The following DIP2C variants were observed in gnomAD, a reference collection of about 807,000 sequenced individuals.
DIP2C encodes disco-interacting protein 2 homolog C.
In DIP2C, 33 loss-of-function variants were observed where a neutral mutation model predicts 192.4. The observed-to-expected ratio is 0.17, with a 90% CI of 0.13 to 0.23. The LOEUF is 0.23. Ranked by LOEUF, DIP2C falls within the 10% of genes least tolerant of loss-of-function variation. DIP2C has a pLI of 1.00. For missense variants in DIP2C, 1,537 were observed against 2,110.1 expected (o/e 0.73, Z 5.32); for synonymous variants, 979 against 864.1 (o/e 1.13, Z -2.33).
At chr10:523,494 ACT>A (rs577452548) in intron 1 of DIP2C, among the ~76,000 whole-genome samples, 9 of 133,724 alleles carry the variant, frequency 6.7e-5, no homozygotes, top group African/African-American at 2.3e-4. Flanking sequence ...GGATGCAGGG[ACT>A]CTGTGTCACC....
intron 16 of DIP2C, among the ~76,000 whole-genome samples, 181 bp from the exon 17 acceptor site, chr10:382,942 C>A (rs924324497): frequency 1.3e-5 from 2 of 152,198 alleles, no homozygotes; most frequent in Non-Finnish European, 2.9e-5. Context: ...TCAAACAGAA[C>A]TCAAGAATTT....
rs183381096 is a variant in DIP2C at position 374,301 on chromosome 10, A to C, written c.1992-4668T>G. Among the ~76,000 whole-genome samples the C allele has an allele frequency of 1.4e-4, 21 of 152,366 alleles. No homozygotes were observed. The East Asian group carries it at 2.5e-3, about 18-fold the overall frequency. ...AGCACATATACTTAAATTTTTAAGA[A>C]GACCTAAATATCCTCCCAAAATAAC... On this transcript the variant is annotated intron_variant, in intron 17 of 36. Coordinates refer to ENST00000280886, the MANE Select transcript of DIP2C (RefSeq NM_014974.3).
intron 1 of DIP2C, among the ~76,000 whole-genome samples, chr10:593,823 TCTCA>T (rs1347676325): frequency 1.3e-5 from 2 of 152,132 alleles, no homozygotes; most frequent in Admixed American, 6.5e-5. Context: ...GGAGAGCTTG[TCTCA>T]CTCACCTTCA....
chr10:301,116 T>C (rs186169629), intron 32 of DIP2C, among the ~76,000 whole-genome samples: 8 of 152,240 alleles, frequency 5.3e-5, no homozygotes, highest in Admixed American at 5.2e-4. Flanking sequence ...GTAGGTGGCC[T>C]TGCCGGGTGC....
At chr10:434,282 G>A (rs61837194) in intron 4 of DIP2C, among the ~76,000 whole-genome samples, 5,523 of 152,160 alleles carry the variant, frequency 0.036, 162 homozygotes, top group African/African-American at 0.082. Flanking sequence ...TTCCTTCTTT[G>A]ATGCTTTTTC....
intron 7 of DIP2C, among the ~76,000 whole-genome samples, chr10:415,511 G>A (rs1023719943): frequency 6.6e-6 from 1 of 152,006 alleles, no homozygotes; most frequent in African/African-American, 2.4e-5. Context: ...TACTCTTACA[G>A]AGTTCTTAGA....
intron 1 of DIP2C, chr10:662,696 T>G (rs1404378725): frequency 7.2e-6 from 4 of 557,404 alleles, no homozygotes; most frequent in African/African-American, 1.9e-5. Flanking sequence ...AAATTAGGTA[T>G]GGGCAGAAAA....
intron 1 of DIP2C, among the ~76,000 whole-genome samples, chr10:677,806 G>A (rs1486237262): frequency 1.3e-5 from 2 of 152,202 alleles, no homozygotes; most frequent in South Asian, 2.1e-4. Context: ...TGAGGGTGGA[G>A]ACCCAGACTC....
intron 1 of DIP2C, among the ~76,000 whole-genome samples, chr10:609,539 A>C (rs545427504): frequency 6.6e-6 from 1 of 152,176 alleles, no homozygotes; most frequent in Admixed American, 6.5e-5. Context: ...TAATTAACTC[A>C]ATTAAAAAAC....
intron 1 of DIP2C, among the ~76,000 whole-genome samples, chr10:571,983 GGT>G (rs1255556238): frequency 2.0e-5 from 3 of 152,190 alleles, no homozygotes; most frequent in Non-Finnish European, 2.9e-5. Context: ...ATATGTTCTT[GGT>G]TTCATGTTTG....
chr10:595,128 C>T (rs546772950), intron 1 of DIP2C, among the ~76,000 whole-genome samples: 1 of 152,320 alleles, frequency 6.6e-6, no homozygotes, highest in Non-Finnish European at 1.5e-5. Context: ...CAAATCCCCT[C>T]TGCAGCAAAG....
intron 3 of DIP2C, among the ~76,000 whole-genome samples, chr10:452,722 C>A (rs1968950399): frequency 6.6e-6 from 1 of 152,210 alleles, no homozygotes; most frequent in African/African-American, 2.4e-5. Flanking sequence ...TCTGCTGGTG[C>A]CCTCCTGCAG....
intron 1 of DIP2C, among the ~76,000 whole-genome samples, chr10:504,220 CTGT>C (rs1357041464): frequency 6.6e-6 from 1 of 152,260 alleles, no homozygotes; most frequent in Non-Finnish European, 1.5e-5. Flanking sequence ...TGTCAAATCA[CTGT>C]TGTGCAAAAA....
chr10:519,836 C>T (rs1372304088), intron 1 of DIP2C, among the ~76,000 whole-genome samples: 2 of 152,262 alleles, frequency 1.3e-5, no homozygotes, highest in East Asian at 1.9e-4. Flanking sequence ...GGCCTCCCCC[C>T]TGCTCCTCTA....
At chr10:565,962 G>T (rs899327877) in intron 1 of DIP2C, among the ~76,000 whole-genome samples, 13 of 152,296 alleles carry the variant, frequency 8.5e-5, no homozygotes, top group African/African-American at 2.6e-4. Flanking sequence ...CCACTCTCCT[G>T]CTGGAGGCAG....
intron 1 of DIP2C, among the ~76,000 whole-genome samples, chr10:605,399 G>T (rs1852387781): frequency 1.3e-5 from 2 of 152,124 alleles, no homozygotes; most frequent in African/African-American, 4.8e-5. Context: ...TATCACTCAT[G>T]ATTCCCTTGC....
chr10:452,393 C>T (rs1188566667), intron 3 of DIP2C, among the ~76,000 whole-genome samples: 2 of 151,998 alleles, frequency 1.3e-5, no homozygotes, highest in Admixed American at 6.6e-5. Flanking sequence ...ACGGCAAACA[C>T]GTGGAAAAAG....
At chr10:310,316 G>A (rs574909682) in intron 31 of DIP2C, among the ~76,000 whole-genome samples, 2 of 152,270 alleles carry the variant, frequency 1.3e-5, no homozygotes, top group African/African-American at 2.4e-5. Flanking sequence ...CACACAGCTT[G>A]ACCGCCAATA....
At chr10:355,087 C>G (rs1184219115) in intron 24 of DIP2C, among the ~76,000 whole-genome samples, 1 of 152,160 alleles carries the variant, frequency 6.6e-6, no homozygotes, top group African/African-American at 2.4e-5. Context: ...CAACTCCAGT[C>G]CTCAAGATCT....
Sources: gnomAD v4.1 joint callset for allele counts (sites outside exome capture counted in the v4.1 genomes callset) on GRCh38, gnomAD v4.1.1 for gene constraint, MANE v1.5 for transcripts, NCBI Gene and HGNC (gene_info 2026-07-23, HGNC 2026-07-21) for gene names.